The following SLC38A9 variants were observed in gnomAD, a reference collection of about 807,000 sequenced individuals.
The protein encoded by SLC38A9 is neutral amino acid transporter 9.
SLC38A9 carries 48 observed loss-of-function variants against 62.3 expected under a neutral mutation model. The observed-to-expected ratio is 0.77, with a 90% CI of 0.61 to 0.98. The LOEUF (loss-of-function observed/expected upper bound fraction) is 0.98, where lower values mean the gene tolerates loss of function less well. Among genes scored for constraint, SLC38A9 ranks in the 50% least tolerant of loss-of-function variants. The pLI is 0.00. For synonymous variants in SLC38A9, 204 were observed against 227.7 expected, an observed-to-expected ratio of 0.90 and a Z score of 0.94; for missense variants, 541 against 679.8, an observed-to-expected ratio of 0.80 and a Z score of 2.27.
intron 3 of SLC38A9, among the ~76,000 whole-genome samples, chr5:55,680,537 C>G (rs1203814632): frequency 6.6e-6 from 1 of 152,226 alleles, no homozygotes; most frequent in African/African-American, 2.4e-5. Context: ...GATGACACAG[C>G]AACAAGGCCC....
intron 9 of SLC38A9, among the ~76,000 whole-genome samples, chr5:55,654,806 C>A (rs1202367958): frequency 1.3e-5 from 2 of 152,110 alleles, no homozygotes; most frequent in African/African-American, 2.4e-5. Context: ...TGCCTGCACA[C>A]AGGCATTCAA....
At chr5:55,662,508 A>G (rs1749758866) in intron 8 of SLC38A9, among the ~76,000 whole-genome samples, 1 of 151,980 alleles carries the variant, frequency 6.6e-6, no homozygotes, top group Admixed American at 6.6e-5. Context: ...TGTCTCTACT[A>G]AAAATACAAA....
chr5:55,632,365 G>A (rs886540033), intron 14 of SLC38A9, among the ~76,000 whole-genome samples: 4 of 152,182 alleles, frequency 2.6e-5, no homozygotes, highest in African/African-American at 9.7e-5. Context: ...GTGAACCCGG[G>A]AGGTGGAGCT....
intron 8 of SLC38A9, among the ~76,000 whole-genome samples, chr5:55,657,626 T>A (rs1367604360): frequency 6.6e-6 from 1 of 152,114 alleles, no homozygotes; most frequent in Admixed American, 6.5e-5. Flanking sequence ...TGGCTGAGCA[T>A]TCATCATTCT....
intron 2 of SLC38A9, among the ~76,000 whole-genome samples, chr5:55,706,784 T>C (rs558646984): frequency 6.6e-6 from 1 of 152,298 alleles, no homozygotes; most frequent in South Asian, 2.1e-4. Context: ...TCAACAGAAA[T>C]TTAATGTCCC....
intron 2 of SLC38A9, among the ~76,000 whole-genome samples, chr5:55,702,392 G>C (rs934946504): frequency 2.0e-5 from 3 of 151,704 alleles, no homozygotes; most frequent in African/African-American, 7.3e-5. Flanking sequence ...CTCCCAAGTA[G>C]CTAGGACTAC....
At chr5:55,687,333 A>G (rs1057010433) in intron 3 of SLC38A9, among the ~76,000 whole-genome samples, 1 of 145,344 alleles carries the variant, frequency 6.9e-6, no homozygotes, top group Non-Finnish European at 1.5e-5. Context: ...AGGCTGAGGC[A>G]GGAGAATGGC....
chr5:55,695,461 T>C (rs1157864215), intron 3 of SLC38A9, among the ~76,000 whole-genome samples: 2 of 89,494 alleles, frequency 2.2e-5, no homozygotes, highest in African/African-American at 6.9e-5. Context: ...TAGGGAGTGG[T>C]GATGGCTCTT....
intron 3 of SLC38A9, chr5:55,696,394 G>A (rs1755685325): frequency 1.4e-5 from 1 of 70,490 alleles, no homozygotes; most frequent in Non-Finnish European, 3.4e-5. Flanking sequence ...CGGGCGGGGG[G>A]CTGACCCCCC....
chr5:55,630,738 C>G lies in SLC38A9; in HGVS notation c.1431-2758G>C, dbSNP rs900638822. Among the ~76,000 whole-genome samples, 5 of 152,088 alleles carry G rather than the reference C, an allele frequency of 3.3e-5. No individual in the cohort carries two copies. The South Asian group carries it at 1.0e-3, about 32-fold the overall frequency. On this transcript the variant is annotated intron_variant, in intron 14 of 15. Transcript: ENST00000396865. ...ATACAGGCATGTAATACATAATAAT[C>G]ACATCATGGAGACTGGGGTATCCAT...
rs749938775 is a variant in SLC38A9, at chr5:55,664,679, A to C, written c.697+14T>G. 1 of 1,422,668 alleles carries C rather than the reference A, an allele frequency of 7.0e-7. No individual in the cohort carries two copies. The highest frequency in any genetic ancestry group is 1.4e-5 in the South Asian group (1 of 71,122). The allele number at this position is 1,422,668 out of a possible 1,614,324, so 88.1% of individuals were successfully genotyped here. On this transcript the variant is annotated intron_variant, in intron 8 of 15. Coordinates refer to ENST00000396865, the MANE Select transcript of SLC38A9 (RefSeq NM_173514.4). The stretch of plus-strand genomic sequence containing the variant: ...GAAAGTACTGTGTTAAAAGCATATG[A>C]TATAGATACTTACTAAAAATAAACT...
rs187907375 is a variant in SLC38A9, at chr5:55,650,753, T to C, written c.953-1439A>G. Among the ~76,000 whole-genome samples, 80 of 152,332 alleles carry C rather than the reference T, an allele frequency of 5.3e-4. No homozygotes were observed. The East Asian group carries it at 0.014, about 26-fold the overall frequency. ...CTTTTCCTTTGGTCTTCTGGAAACC[T>C]AGAAGCCACTGCCTTGTTCCTTGAT... On this transcript the variant is annotated intron_variant, in intron 10 of 15. Transcript: ENST00000396865.
intron 4 of SLC38A9, among the ~76,000 whole-genome samples, 159 bp downstream of exon 4, chr5:55,672,404 G>A (rs1236915442): frequency 1.3e-5 from 2 of 152,190 alleles, no homozygotes; most frequent in African/African-American, 4.8e-5. Flanking sequence ...ACTGGCCTGA[G>A]ATGTAGGATG....
At chr5:55,657,300 T>C (rs527610451) in intron 8 of SLC38A9, among the ~76,000 whole-genome samples, 2 of 152,278 alleles carry the variant, frequency 1.3e-5, no homozygotes, top group South Asian at 2.1e-4. Context: ...TACGTGTAAA[T>C]TGAAGATTTC....
At chr5:55,684,625 ACT>A (rs1170363723) in intron 3 of SLC38A9, among the ~76,000 whole-genome samples, 1 of 151,676 alleles carries the variant, frequency 6.6e-6, no homozygotes, top group African/African-American at 2.4e-5. Flanking sequence ...GCTGGCAAAG[ACT>A]CTGGTTTTTG....
At chr5:55,650,621 A>T (rs1479814796) in intron 10 of SLC38A9, among the ~76,000 whole-genome samples, 5 of 152,268 alleles carry the variant, frequency 3.3e-5, no homozygotes, top group Non-Finnish European at 5.9e-5. Flanking sequence ...GGATGAAAAC[A>T]GGACGCCAGA....
chr5:55,643,746 TTGA>T (rs1160684181), intron 12 of SLC38A9, among the ~76,000 whole-genome samples: 3 of 152,236 alleles, frequency 2.0e-5, no homozygotes, highest in Non-Finnish European at 4.4e-5. Context: ...TTATGTCTTC[TTGA>T]TGAACTGATC....
At chr5:55,683,584 T>C (rs929444975) in intron 3 of SLC38A9, among the ~76,000 whole-genome samples, 4 of 152,208 alleles carry the variant, frequency 2.6e-5, no homozygotes, top group Non-Finnish European at 5.9e-5. Context: ...CCTAGACACA[T>C]ATATGTACAC....
chr5:55,699,973 A>C (rs1389893673), intron 2 of SLC38A9, among the ~76,000 whole-genome samples: 1 of 152,214 alleles, frequency 6.6e-6, no homozygotes, highest in Admixed American at 6.5e-5. Flanking sequence ...ATAATGGCTG[A>C]CCATTAAAGA....
Sources: allele counts gnomAD v4.1 joint callset (sites outside exome capture counted in the v4.1 genomes callset), GRCh38; gene constraint gnomAD v4.1.1; transcripts MANE v1.5; gene names NCBI Gene and HGNC (gene_info 2026-07-23, HGNC 2026-07-21).